SPTBN2: variants seen among roughly 807,000 people sequenced by gnomAD.
SPTBN2 encodes the protein spectrin beta, non-erythrocytic 2.
A neutral mutation model predicts 284.2 loss-of-function variants in SPTBN2; 107 were observed. The ratio of observed to expected loss-of-function variants is 0.38; its 90% CI spans 0.32 to 0.44. SPTBN2 has a LOEUF of 0.44. SPTBN2 is among the 20% of genes least tolerant of loss of function. The pLI, the probability that SPTBN2 is intolerant of heterozygous loss-of-function variation, is 1.00. For synonymous variants in SPTBN2, 1,289 were observed against 1,354.8 expected (o/e 0.95, Z 1.07); for missense variants, 2,569 against 3,287.1 (o/e 0.78, Z 5.34).
intron 16 of SPTBN2, 130 bp from the exon 17 acceptor site, chr11:66,701,412 C>T: frequency 6.6e-7 from 1 of 1,505,102 alleles, no homozygotes; most frequent in Non-Finnish European, 9.0e-7. Context: ...TTCAGACCAC[C>T]TTGACCCCCT....
At chr11:66,709,200 CAG>C (rs1330387647) in intron 10 of SPTBN2, among the ~76,000 whole-genome samples, 181 bp from the exon 11 acceptor site, 10 of 152,270 alleles carry the variant, frequency 6.6e-5, no homozygotes, top group Admixed American at 5.9e-4. Context: ...TATTTTGAGA[CAG>C]AGTCTTGCTT....
chr11:66,738,231 CA>C (rs1415667700), intron 1 of SPTBN2, among the ~76,000 whole-genome samples: 1 of 151,176 alleles, frequency 6.6e-6, no homozygotes, highest in Non-Finnish European at 1.5e-5. Flanking sequence ...AACAAACAAA[CA>C]AAAAAAAGAT....
intron 1 of SPTBN2, among the ~76,000 whole-genome samples, chr11:66,743,329 G>A (rs1942915082): frequency 6.6e-6 from 1 of 152,198 alleles, no homozygotes; most frequent in Non-Finnish European, 1.5e-5. Context: ...GTATGATTCA[G>A]GTCTCGATAG....
chr11:66,693,803 G>T lies in SPTBN2; in HGVS notation c.4562C>A (p.Pro1521His). ...ASSMEHGKDLPSVQLLMKKNQ... is the reference protein window; with the variant it reads ...ASSMEHGKDLHSVQLLMKKNQ... ...TTTCTTCATGAGAAGCTGGACGCTG[G>T]GCAGGTCCTTGCCATGCTCCATGGA... The change falls in exon 23 of 38, where the codon CCC (proline) becomes CAC (histidine). Residue 1521 changes from proline (P) to histidine (H), a missense_variant. By Grantham distance (77) the Pro-to-His change is moderately conservative. This residue lies in a region of SPTBN2 where 1,130 missense variants were observed against 1,317.3 expected (regional missense o/e 0.86). Coordinates refer to ENST00000533211, the MANE Select transcript of SPTBN2 (RefSeq NM_006946.4). This position sits in a 1 kb window ranked among gnomAD's most constrained non-coding sequence, Gnocchi z 5.7. 4 of 1,613,820 alleles carry T rather than the reference G, an allele frequency of 2.5e-6. No homozygotes were observed. Among genetic ancestry groups the T allele is most frequent in the Non-Finnish European group, 3.4e-6 (4 of 1,179,910 alleles).
intron 1 of SPTBN2, among the ~76,000 whole-genome samples, chr11:66,741,564 C>G (rs777006366): frequency 6.6e-6 from 1 of 152,150 alleles, no homozygotes; most frequent in Non-Finnish European, 1.5e-5. Context: ...AGTCTAAGGA[C>G]TGGAAATAAC....
At chr11:66,692,872 T>C (rs1940654254) in intron 25 of SPTBN2, 98 bp downstream of exon 25, 7 of 1,595,862 alleles carry the variant, frequency 4.4e-6, no homozygotes, top group Non-Finnish European at 5.9e-6. Flanking sequence ...TCTAGAAGGC[T>C]CCGTGCACAC....
Position 66,691,566 on chromosome 11 carries a change from G to A in SPTBN2, c.5283C>T (p.Leu1761=), listed in dbSNP as rs1214866445. ...VDSANALANG[L]IAGGHAARAT... ...CCCGTGCAGCATGGCCCCCAGCAAT[G>A]AGCCCATTGGCCAGCGCATTGGCGC... The change falls in exon 27 of 38, where the codon CTC becomes CTT. Residue 1761 remains leucine (L), a synonymous_variant. Transcript: ENST00000533211. This position sits in a 1 kb window ranked among gnomAD's most constrained non-coding sequence, Gnocchi z 8.0. The A allele has an allele frequency of 1.2e-6, 2 of 1,613,516 alleles. No individual in the cohort carries two copies. Among genetic ancestry groups the A allele is most frequent in the African/African-American group, 2.7e-5 (2 of 74,952 alleles).
At chr11:66,711,394 A>T (rs1377059832) in intron 8 of SPTBN2, among the ~76,000 whole-genome samples, 5 of 152,184 alleles carry the variant, frequency 3.3e-5, no homozygotes, top group Non-Finnish European at 5.9e-5. Context: ...AATGTTTAAG[A>T]AGTCAATGGA....
Position 66,693,267 on chromosome 11 carries a change from C to G in SPTBN2, c.4773G>C (p.Gln1591His). Residue 1591 changes from glutamine to histidine, a missense_variant, in exon 24 of 38, where the codon CAG becomes CAC. By Grantham distance (24) the Gln-to-His change is conservative. Transcript: ENST00000533211. This position sits in a 1 kb window ranked among gnomAD's most constrained non-coding sequence, Gnocchi z 5.7. ...CCTCGGCGGCATCGCGGTAGAACTGCTGGGCTCGCAGGGCATCCTCCAGTC... is the reference window on the plus strand; with the variant it reads ...CCTCGGCGGCATCGCGGTAGAACTGGTGGGCTCGCAGGGCATCCTCCAGTC... ...GKRLEDALRA[Q>H]QFYRDAAEAE... 6.2e-7 allele frequency: 1 copy of G among 1,614,088 alleles called. No individual in the cohort carries two copies. Among genetic ancestry groups the G allele is most frequent in the South Asian group, 1.1e-5 (1 of 91,088 alleles).
Position 66,687,484 on chromosome 11 carries a change from T to C in SPTBN2, c.6665A>G (p.Glu2222Gly). Residue 2222 changes from glutamate to glycine, a missense_variant, in exon 35 of 38, where the codon GAG (glutamate) becomes GGG (glycine). Glu to Gly is a moderately conservative substitution (Grantham distance 98, BLOSUM62 -2). Coordinates refer to ENST00000533211, the MANE Select transcript of SPTBN2 (RefSeq NM_006946.4). The surrounding 1 kb of genome is among the most constrained non-coding windows in gnomAD (Gnocchi z 5.2). ...GPEPSAQEQM[E>G]GMLCRKQEME... ...CTCCTGCTTGCGGCACAGCATCCCC[T>C]CCATCTGCTCCTGGGCAGATGGCTC... 1 of 1,610,948 alleles carries C rather than the reference T, an allele frequency of 6.2e-7. No individual in the cohort carries two copies. Among genetic ancestry groups the C allele is most frequent in the Non-Finnish European group, 8.5e-7 (1 of 1,179,960 alleles).
At chr11:66,686,202 G>T in intron 37 of SPTBN2, 98 bp from the exon 38 acceptor site, 1 of 1,425,798 alleles carries the variant, frequency 7.0e-7, no homozygotes, top group Non-Finnish European at 9.9e-7. Context: ...CAGAAAGTGA[G>T]CTGACTGTTT....
chr11:66,743,929 C>T (rs1942927198), intron 1 of SPTBN2, among the ~76,000 whole-genome samples: 1 of 151,896 alleles, frequency 6.6e-6, no homozygotes, highest in African/African-American at 2.4e-5. Context: ...GACGCGATCT[C>T]GGCTCACTGC....
In SPTBN2 at chr11:66,708,461, GTC is replaced by G. The variant is rs2135474641; in HGVS notation, c.1192-164_1192-163del. On this transcript the variant is annotated intron_variant, in intron 11 of 37. Coordinates refer to ENST00000533211, the MANE Select transcript of SPTBN2 (RefSeq NM_006946.4). This position sits in a 1 kb window ranked among gnomAD's most constrained non-coding sequence, Gnocchi z 4.4. ...AACAGGAAACAGGGCAGCGCTGGGA[GTC>G]TGTGAAGCCATGTAGAAGCTTCTGG... 6.6e-6 allele frequency among the ~76,000 whole-genome samples: 1 copy of G among 152,388 alleles called. No individual in the cohort carries two copies. The highest frequency in any genetic ancestry group is 1.9e-4 in the East Asian group (1 of 5,188).
chr11:66,693,889 G>C lies in SPTBN2; in HGVS notation c.4504-28C>G, dbSNP rs1940736230. On this transcript the variant is annotated intron_variant, in intron 22 of 37. Coordinates refer to ENST00000533211, the MANE Select transcript of SPTBN2 (RefSeq NM_006946.4). This position sits in a 1 kb window ranked among gnomAD's most constrained non-coding sequence, Gnocchi z 5.7. ...GGAAGAGGAAGAGGGGGTCAGTGGA[G>C]GCCCAGAGGGCAAGGCAAGCAGCAG... 6.2e-7 allele frequency: 1 copy of C among 1,605,034 alleles called. No homozygotes were observed. The highest frequency in any genetic ancestry group is 8.5e-7 in the Non-Finnish European group (1 of 1,173,360).
In SPTBN2 at chr11:66,691,542, C is replaced by T. The variant is rs1227462922; in HGVS notation, c.5307G>A (p.Arg1769=). The change falls in exon 27 of 38, where the codon CGG becomes CGA. Residue 1769 remains arginine (R), a synonymous_variant. Coordinates refer to ENST00000533211, the MANE Select transcript of SPTBN2 (RefSeq NM_006946.4). The surrounding 1 kb of genome is among the most constrained non-coding windows in gnomAD (Gnocchi z 8.0). ...TGTCCTTCCACTCGGCCACGGTGGC[C>T]CGTGCAGCATGGCCCCCAGCAATGA... ...NGLIAGGHAA[R]ATVAEWKDSL... 6.2e-7 allele frequency: 1 copy of T among 1,613,238 alleles called. No individual in the cohort carries two copies. The highest frequency in any genetic ancestry group is 8.5e-7 in the Non-Finnish European group (1 of 1,180,048).
intron 10 of SPTBN2, among the ~76,000 whole-genome samples, chr11:66,709,813 T>C (rs186091377): frequency 9.8e-5 from 15 of 152,338 alleles, no homozygotes; most frequent in Admixed American, 9.2e-4. Flanking sequence ...CTGAACAGAA[T>C]TGCCTAACAG....
rs763934297 is a variant in SPTBN2, at chr11:66,707,663, G to A, written c.1506C>T (p.Ile502=). The A allele has an allele frequency of 8.1e-6, 13 of 1,607,280 alleles. No homozygotes were observed. The highest frequency in any genetic ancestry group is 1.7e-4 in the Middle Eastern group (1 of 6,048). ...AAERYHDIKR[I]AARQHNVARL... is the part of the protein sequence containing the mutation. ...GTGCCACGTTGTGCTGCCGAGCGGC[G>A]ATGCGCTTGATGTCGTGGTAGCGCT... Residue 502 remains isoleucine (I), a synonymous_variant, in exon 13 of 38, where the codon ATC becomes ATT. Transcript: ENST00000533211. The surrounding 1 kb of genome is among the most constrained non-coding windows in gnomAD (Gnocchi z 4.9).
intron 1 of SPTBN2, among the ~76,000 whole-genome samples, chr11:66,723,305 C>T (rs1942503219): frequency 6.6e-6 from 1 of 152,040 alleles, no homozygotes; most frequent in South Asian, 2.1e-4. Flanking sequence ...TTTAACAAAA[C>T]CCCCAATTTT....
chr11:66,694,949 G>A (rs1565122070), intron 21 of SPTBN2, among the ~76,000 whole-genome samples: 1 of 152,222 alleles, frequency 6.6e-6, no homozygotes, highest in Non-Finnish European at 1.5e-5. Context: ...GAGATCCGGT[G>A]GCTCTTACTC....
Sources: allele counts gnomAD v4.1 joint callset (sites outside exome capture counted in the v4.1 genomes callset), GRCh38; gene constraint gnomAD v4.1.1; regional missense constraint gnomAD v4.1.1; non-coding constraint Gnocchi (gnomAD v3.1); transcripts MANE v1.5; gene names NCBI Gene and HGNC (gene_info 2026-07-23, HGNC 2026-07-21).